RANBP2: variants seen among roughly 807,000 people sequenced by gnomAD.
The protein encoded by RANBP2 is RAN binding protein 2.
Under a neutral mutation model 303.6 loss-of-function variants are expected in RANBP2, and 57 were observed. The observed-to-expected ratio is 0.19, with a 90% CI of 0.15 to 0.23. RANBP2 has a LOEUF of 0.23. RANBP2 is among the 10% of genes least tolerant of loss of function. RANBP2 has a pLI of 1.00. For synonymous variants in RANBP2, 1,167 were observed against 1,301.5 expected (o/e 0.90, Z 2.23); for missense variants, 3,138 against 3,780.8 (o/e 0.83, Z 4.46).
At chr2:109,003,205 CAAAAAA>C in the RANBP2 span, among the ~76,000 whole-genome samples, 1 of 45,432 alleles carries the variant, frequency 2.2e-5, no homozygotes, top group Admixed American at 2.9e-4. Context: ...GTCTCCCTCT[CAAAAAA>C]AAAAAAAAAA....
chr2:109,176,127 C>T, the RANBP2 span, among the ~76,000 whole-genome samples: 2 of 152,174 alleles, frequency 1.3e-5, no homozygotes, highest in Non-Finnish European at 2.9e-5. Flanking sequence ...GGTGTCTGCC[C>T]TTTACTTGGC....
chr2:109,142,706 C>T, the RANBP2 span, among the ~76,000 whole-genome samples: 13 of 152,268 alleles, frequency 8.5e-5, no homozygotes, highest in African/African-American at 1.9e-4. Context: ...CATGGGCTGT[C>T]GGGCCTGGGT....
the RANBP2 span, among the ~76,000 whole-genome samples, chr2:109,020,869 T>TG: frequency 5.3e-5 from 8 of 152,220 alleles, no homozygotes; most frequent in African/African-American, 9.6e-5. Flanking sequence ...AGATTGTTTG[T>TG]GGGGGGCACA....
chr2:109,304,406 C>A, the RANBP2 span, among the ~76,000 whole-genome samples: 3 of 152,152 alleles, frequency 2.0e-5, no homozygotes, highest in African/African-American at 7.2e-5. Context: ...CATGTTGTCA[C>A]AAATGACAAG....
At chr2:109,400,437 T>C in the RANBP2 span, among the ~76,000 whole-genome samples, 4 of 152,126 alleles carry the variant, frequency 2.6e-5, no homozygotes, top group East Asian at 7.8e-4. Flanking sequence ...TGTGCACTTA[T>C]ATGCACCCCT....
At chr2:109,191,330 T>C in the RANBP2 span, among the ~76,000 whole-genome samples, 1 of 152,254 alleles carries the variant, frequency 6.6e-6, no homozygotes, top group East Asian at 1.9e-4. Flanking sequence ...CATTAGGAGC[T>C]CCGTGAGGAC....
At chr2:109,411,564 C>T in the RANBP2 span, among the ~76,000 whole-genome samples, 1 of 152,214 alleles carries the variant, frequency 6.6e-6, no homozygotes, top group South Asian at 2.1e-4. Flanking sequence ...CTGACCCCAT[C>T]AGCATCGGGA....
chr2:109,003,205 C>CA, the RANBP2 span, among the ~76,000 whole-genome samples: 1,751 of 44,784 alleles, frequency 0.039, 95 homozygotes, highest in African/African-American at 0.073. Flanking sequence ...GTCTCCCTCT[C>CA]AAAAAAAAAA....
In RANBP2 at chr2:108,784,901, A is replaced by G. The variant is rs763197965; in HGVS notation, c.*1000A>G. The G allele has an allele frequency of 6.6e-6, 1 of 152,330 alleles. No individual in the cohort carries two copies. The highest frequency in any genetic ancestry group is 1.5e-5 in the Non-Finnish European group (1 of 68,022). 9.4% of individuals were successfully genotyped at this position (152,330 alleles called of 1,614,324 possible). On this transcript the variant is annotated 3_prime_UTR_variant, in exon 29 of 29. Coordinates refer to ENST00000283195, the MANE Select transcript of RANBP2 (RefSeq NM_006267.5). ...CTGCTGCATAATTTCCAGAGCTCCT[A>G]GTTTCTCAAGTTTGATACACACCAA...
At chr2:109,588,503 T>A in the RANBP2 span, among the ~76,000 whole-genome samples, 6 of 151,692 alleles carry the variant, frequency 4.0e-5, no homozygotes, top group Non-Finnish European at 7.4e-5. Flanking sequence ...TATATACAAA[T>A]TTTTTTTTAA....
intron 8 of RANBP2, among the ~76,000 whole-genome samples, chr2:108,748,027 C>G (rs1483587952): frequency 6.6e-6 from 1 of 152,122 alleles, no homozygotes; most frequent in Non-Finnish European, 1.5e-5. Context: ...CTGAACATTT[C>G]ACATAAATGG....
the RANBP2 span, among the ~76,000 whole-genome samples, chr2:109,376,608 C>T: frequency 1.3e-5 from 2 of 152,208 alleles, no homozygotes; most frequent in African/African-American, 4.8e-5. Flanking sequence ...CATCGGTTGT[C>T]CAGGTAGAGT....
the RANBP2 span, among the ~76,000 whole-genome samples, chr2:108,892,766 C>T: frequency 2.6e-5 from 4 of 152,296 alleles, no homozygotes; most frequent in East Asian, 7.7e-4. Context: ...ATTGGGAAGT[C>T]ACTCCCAGCT....
At chr2:108,816,152 A>G in the RANBP2 span, 1 of 1,450,980 alleles carries the variant, frequency 6.9e-7, no homozygotes, top group Non-Finnish European at 9.5e-7. Context: ...TATGAAGATT[A>G]AAAAAGGAAA....
At chr2:109,007,019 G>A in the RANBP2 span, among the ~76,000 whole-genome samples, 11 of 152,280 alleles carry the variant, frequency 7.2e-5, no homozygotes, top group Non-Finnish European at 1.3e-4. Context: ...AACGGGCTGG[G>A]GAGTTAACAA....
the RANBP2 span, among the ~76,000 whole-genome samples, chr2:109,638,182 G>A: frequency 6.6e-6 from 1 of 152,150 alleles, no homozygotes; most frequent in Non-Finnish European, 1.5e-5. Flanking sequence ...TTGGAAGCAC[G>A]ATGAAAGATA....
intron 1 of RANBP2, 71 bp downstream of exon 1, chr2:108,719,749 T>C: frequency 2.6e-6 from 4 of 1,543,932 alleles, no homozygotes; most frequent in East Asian, 2.5e-5. Flanking sequence ...TCAGGCGTCA[T>C]GGCTCCCGAC....
At chr2:109,514,369 C>T in the RANBP2 span, among the ~76,000 whole-genome samples, 43 of 152,146 alleles carry the variant, frequency 2.8e-4, no homozygotes, top group African/African-American at 9.2e-4. Context: ...CCCGGGTGTG[C>T]GAGTGCCCAC....
At chr2:108,723,728 T>G (rs1241217552) in intron 1 of RANBP2, among the ~76,000 whole-genome samples, 1 of 152,244 alleles carries the variant, frequency 6.6e-6, no homozygotes, top group African/African-American at 2.4e-5. Flanking sequence ...TTTTTGCATT[T>G]GAATTGCCCT....
Sources: allele counts gnomAD v4.1 joint callset (sites outside exome capture counted in the v4.1 genomes callset), GRCh38; gene constraint gnomAD v4.1.1; transcripts MANE v1.5; gene names NCBI Gene and HGNC (gene_info 2026-07-23, HGNC 2026-07-21).